NSUN6: variants seen among roughly 807,000 people sequenced by gnomAD.
NSUN6 encodes NOP2/Sun RNA methyltransferase 6.
Under a neutral mutation model 58.0 loss-of-function variants are expected in NSUN6, and 64 were observed. The observed-to-expected ratio is 1.10, with a 90% CI of 0.90 to 1.36. NSUN6 has a LOEUF of 1.36. Ranked by LOEUF, NSUN6 falls within the 40% of genes most tolerant of loss-of-function variation. NSUN6 has a pLI of 0.00. For synonymous variants in NSUN6, 231 were observed against 193.9 expected, an observed-to-expected ratio of 1.19 and a Z score of -1.59; for missense variants, 701 against 550.1, an observed-to-expected ratio of 1.27 and a Z score of -2.74.
intron 3 of NSUN6, among the ~76,000 whole-genome samples, chr10:18,630,420 G>A (rs1285869893): frequency 6.6e-6 from 1 of 151,982 alleles, no homozygotes; most frequent in East Asian, 1.9e-4. Context: ...AGAACTGAAG[G>A]AAATAGAGAC....
intron 3 of NSUN6, among the ~76,000 whole-genome samples, chr10:18,627,840 A>T (rs192808098): frequency 5.9e-5 from 9 of 152,248 alleles, no homozygotes; most frequent in Non-Finnish European, 1.2e-4. Flanking sequence ...GAGGGGCGCC[A>T]GCCATTGCCC....
intron 6 of NSUN6, among the ~76,000 whole-genome samples, chr10:18,600,978 G>GTATA (rs56983139): frequency 0.21 from 16,148 of 76,700 alleles, 1,747 homozygotes; most frequent in South Asian, 0.39. Flanking sequence ...ATATATATAT[G>GTATA]TATATATATA....
intron 3 of NSUN6, among the ~76,000 whole-genome samples, chr10:18,641,400 C>G (rs1366658333): frequency 6.6e-6 from 1 of 150,522 alleles, no homozygotes; most frequent in Non-Finnish European, 1.5e-5. Flanking sequence ...AGGTCCCGCT[C>G]TGTCTCCCAG....
intron 8 of NSUN6, among the ~76,000 whole-genome samples, chr10:18,580,343 A>G (rs2131062279): frequency 6.6e-6 from 1 of 152,276 alleles, no homozygotes; most frequent in African/African-American, 2.4e-5. Flanking sequence ...GATCCACTTC[A>G]TGTGGGTGCA....
chr10:18,584,618 CA>C (rs1251241090), intron 8 of NSUN6, among the ~76,000 whole-genome samples: 1 of 152,054 alleles, frequency 6.6e-6, no homozygotes, highest in South Asian at 2.1e-4. Flanking sequence ...AGGTAATATT[CA>C]AAAAATTATG....
intron 7 of NSUN6, among the ~76,000 whole-genome samples, chr10:18,586,443 G>A (rs868122778): frequency 2.6e-5 from 4 of 152,322 alleles, no homozygotes; most frequent in Admixed American, 1.3e-4. Context: ...GAGTGAAGCC[G>A]CAGACCTTCG....
At chr10:18,643,319 A>G (rs2059443495) in intron 2 of NSUN6, among the ~76,000 whole-genome samples, 1 of 151,718 alleles carries the variant, frequency 6.6e-6, no homozygotes, top group African/African-American at 2.4e-5. Flanking sequence ...ACTGGATGAC[A>G]GGGACCGTAT....
chr10:18,613,099 A>AT (rs927046900), intron 5 of NSUN6, among the ~76,000 whole-genome samples: 13 of 151,390 alleles, frequency 8.6e-5, no homozygotes, highest in South Asian at 2.1e-4. Context: ...TTAAAAACCA[A>AT]TTTTTTTTTC....
At chr10:18,658,604 G>C, upstream of NSUN6, 1 of 913,656 alleles carries the variant, frequency 1.1e-6, no homozygotes, top group Non-Finnish European at 1.3e-6. Flanking sequence ...AAATGGAGAG[G>C]GGTGCTATGT....
chr10:18,566,213 C>G (rs2055925766), intron 8 of NSUN6, among the ~76,000 whole-genome samples: 2 of 149,430 alleles, frequency 1.3e-5, no homozygotes, highest in Admixed American at 1.3e-4. Context: ...CTATTCCATT[C>G]TGTAATCCAT....
chr10:18,593,951 G>A (rs1248647316), intron 7 of NSUN6, among the ~76,000 whole-genome samples: 1 of 151,520 alleles, frequency 6.6e-6, no homozygotes, highest in Non-Finnish European at 1.5e-5. Context: ...TGTAATCCCA[G>A]CACTTTGGGA....
At chr10:18,546,648 C>T (rs569059494) in intron 10 of NSUN6, among the ~76,000 whole-genome samples, 5 of 152,180 alleles carry the variant, frequency 3.3e-5, no homozygotes, top group South Asian at 2.1e-4. Flanking sequence ...GAGGCCGAGG[C>T]GGGCTGATTA....
chr10:18,580,355 C>A (rs983390737), intron 8 of NSUN6, among the ~76,000 whole-genome samples: 2 of 152,128 alleles, frequency 1.3e-5, no homozygotes, highest in East Asian at 3.9e-4. Context: ...GTGGGTGCAG[C>A]CAAGAACACA....
chr10:18,626,256 C>G (rs7902446), intron 3 of NSUN6, among the ~76,000 whole-genome samples: 2 of 151,062 alleles, frequency 1.3e-5, no homozygotes, highest in African/African-American at 4.9e-5. Context: ...AACAGAAAAA[C>G]TGGCCAGGCA....
At chr10:18,548,355 A>C (rs970006390) in intron 9 of NSUN6, 118 bp from the exon 10 acceptor site, 9 of 901,534 alleles carry the variant, frequency 1.0e-5, no homozygotes, top group African/African-American at 1.7e-5. Context: ...ATGATGTTCT[A>C]TGTGACAAGG....
intron 2 of NSUN6, among the ~76,000 whole-genome samples, chr10:18,644,603 G>A (rs1438578812): frequency 2.0e-5 from 3 of 151,696 alleles, no homozygotes; most frequent in South Asian, 2.1e-4. Context: ...TTGGGAGGCC[G>A]AGGCGGGTGG....
chr10:18,598,443 C>T (rs1191987283), intron 6 of NSUN6, among the ~76,000 whole-genome samples: 1 of 152,146 alleles, frequency 6.6e-6, no homozygotes, highest in African/African-American at 2.4e-5. Flanking sequence ...GCAAGCTCTA[C>T]TTATTTATTT....
Position 18,570,430 on chromosome 10 carries a change from TCCATTCCATTCC to T in NSUN6, c.922+15507_922+15518del, listed in dbSNP as rs1266240128. 1.4e-4 allele frequency among the ~76,000 whole-genome samples: 21 copies of T among 147,678 alleles called. No homozygotes were observed. The East Asian group carries it at 3.8e-3, about 27-fold the overall frequency. ...TTCCCTTCCATTCTCCATTCCATTC[TCCATTCCATTCC>T]ATTCTCCATTCCATTCCATTCTCCA... On this transcript the variant is annotated intron_variant, in intron 8 of 10. Transcript: ENST00000377304.
chr10:18,653,124 A>G (rs2131618706), upstream of NSUN6: 1 of 985,134 alleles, frequency 1.0e-6, no homozygotes, highest in Non-Finnish European at 1.2e-6. Context: ...ACTGATGGCT[A>G]GAATCTGTAT....
Sources: gnomAD v4.1 joint callset for allele counts (sites outside exome capture counted in the v4.1 genomes callset) on GRCh38, gnomAD v4.1.1 for gene constraint, MANE v1.5 for transcripts, NCBI Gene and HGNC (gene_info 2026-07-23, HGNC 2026-07-21) for gene names.